Variants in PITPNM3 observed in about 807,000 individuals in gnomAD.
PITPNM3 encodes the protein PITPNM family member 3.
Under a neutral mutation model 102.0 loss-of-function variants are expected in PITPNM3, and 26 were observed. The ratio of observed to expected loss-of-function variants is 0.25; its 90% confidence interval spans 0.19 to 0.35. PITPNM3 has a LOEUF of 0.35. Ranked by LOEUF, PITPNM3 falls within the 10% of genes least tolerant of loss-of-function variation. PITPNM3 has a pLI of 1.00. For synonymous variants in PITPNM3, 578 were observed against 558.6 expected (o/e 1.03, Z -0.49); for missense variants, 1,083 against 1,346.1 (o/e 0.80, Z 3.06).
intron 3 of PITPNM3, among the ~76,000 whole-genome samples, chr17:6,512,751 G>A (rs1425270223): frequency 1.3e-5 from 2 of 152,144 alleles, no homozygotes; most frequent in African/African-American, 2.4e-5. Flanking sequence ...ATTAATCAGG[G>A]ATACCCAGGC....
At chr17:6,500,975 C>T (rs1907134209) in intron 4 of PITPNM3, among the ~76,000 whole-genome samples, 1 of 152,116 alleles carries the variant, frequency 6.6e-6, no homozygotes, top group Non-Finnish European at 1.5e-5. Flanking sequence ...CACGCCCAGC[C>T]CAATAAGAAC....
intron 1 of PITPNM3, among the ~76,000 whole-genome samples, chr17:6,554,210 C>T (rs987669033): frequency 6.7e-6 from 1 of 149,568 alleles, no homozygotes; most frequent in African/African-American, 2.5e-5. Context: ...GTCCCAGTTA[C>T]TTGGGAGGCT....
At chr17:6,524,723 C>T (rs1304092360) in intron 3 of PITPNM3, among the ~76,000 whole-genome samples, 2 of 152,160 alleles carry the variant, frequency 1.3e-5, no homozygotes, top group African/African-American at 4.8e-5. Flanking sequence ...AGATGAATCA[C>T]CTTTGGTTGC....
At chr17:6,535,812 CT>C (rs1909384107) in intron 2 of PITPNM3, among the ~76,000 whole-genome samples, 1 of 151,710 alleles carries the variant, frequency 6.6e-6, no homozygotes, top group Non-Finnish European at 1.5e-5. Context: ...AATCCCAGCA[CT>C]TTGGGAGGCC....
At chr17:6,533,443 T>C (rs543143372) in intron 2 of PITPNM3, among the ~76,000 whole-genome samples, 5 of 152,114 alleles carry the variant, frequency 3.3e-5, no homozygotes, top group Admixed American at 3.3e-4. Context: ...TTATTTTGTT[T>C]ATGGTGTTTT....
chr17:6,551,484 C>A (rs1219525000), intron 1 of PITPNM3, among the ~76,000 whole-genome samples: 1 of 152,168 alleles, frequency 6.6e-6, no homozygotes, highest in Non-Finnish European at 1.5e-5. Flanking sequence ...GATGCAATGC[C>A]CGTCCCAAGA....
chr17:6,475,425 A>G (rs1597370808), intron 9 of PITPNM3, among the ~76,000 whole-genome samples: 1 of 152,300 alleles, frequency 6.6e-6, no homozygotes, highest in South Asian at 2.1e-4. Flanking sequence ...GAATCGATTA[A>G]CTGAATGCAA....
chr17:6,517,926 A>G lies in PITPNM3; in HGVS notation c.226+7430T>C, dbSNP rs1908278870. ...CTAGAACTACAAAAAAAGGAGGTAT[A>G]TAAGAAATTTGATGGTGTCAATAAA... On this transcript the variant is annotated intron_variant, in intron 3 of 19. Transcript: ENST00000262483. The surrounding 1 kb of genome is among the most constrained non-coding windows in gnomAD (Gnocchi z 4.1). Among the ~76,000 whole-genome samples the G allele has an allele frequency of 6.6e-6, 1 of 152,254 alleles. No individual in the cohort carries two copies. The highest frequency in any genetic ancestry group is 1.5e-5 in the Non-Finnish European group (1 of 68,044).
At chr17:6,507,532 C>T (rs1042168320) in intron 3 of PITPNM3, among the ~76,000 whole-genome samples, 3 of 151,894 alleles carry the variant, frequency 2.0e-5, no homozygotes, top group African/African-American at 4.8e-5. Context: ...AGCAGTGAGC[C>T]GAGATAGTGC....
chr17:6,541,286 A>AGTGTGTGTGTGTGTGTGTGTGTGTGTGT (rs113549938), intron 1 of PITPNM3, among the ~76,000 whole-genome samples: 50 of 145,708 alleles, frequency 3.4e-4, no homozygotes, highest in Non-Finnish European at 5.8e-4. Context: ...ATATGCTAAG[A>AGTGTGTGTGTGTGTGTGTGTGTGTGTGT]GTGTGTGTGT....
chr17:6,549,797 C>T (rs563388411), intron 1 of PITPNM3, among the ~76,000 whole-genome samples: 5 of 152,318 alleles, frequency 3.3e-5, no homozygotes, highest in East Asian at 3.9e-4. Context: ...TCTCCTCCCC[C>T]CTCCCACACC....
intron 19 of PITPNM3, among the ~76,000 whole-genome samples, chr17:6,455,989 A>G (rs1597357225): frequency 6.6e-6 from 1 of 151,732 alleles, no homozygotes; most frequent in African/African-American, 2.4e-5. Context: ...GTCACACCAG[A>G]GTTCTCTGGA....
chr17:6,521,303 T>C (rs1484116216), intron 3 of PITPNM3: 1 of 152,204 alleles, frequency 6.6e-6, no homozygotes, highest in African/African-American at 2.4e-5. Flanking sequence ...TCCCAGCTAC[T>C]TGGGAGGCTG....
At chr17:6,505,195 A>AAAAT (rs1907420096) in intron 3 of PITPNM3, among the ~76,000 whole-genome samples, 2 of 136,310 alleles carry the variant, frequency 1.5e-5, no homozygotes, top group South Asian at 2.4e-4. Context: ...AGACAAATAA[A>AAAAT]ATATATATAT....
intron 4 of PITPNM3, among the ~76,000 whole-genome samples, chr17:6,497,199 G>T (rs1337482811): frequency 6.6e-6 from 1 of 152,172 alleles, no homozygotes; most frequent in Non-Finnish European, 1.5e-5. Context: ...TGGGCAAGGG[G>T]CTTCACGCAT....
rs747298506 is a variant in PITPNM3 at position 6,478,498 on chromosome 17, CGG to C, written c.777+47_777+48del. On this transcript the variant is annotated intron_variant, in intron 7 of 19. Coordinates refer to ENST00000262483, the MANE Select transcript of PITPNM3 (RefSeq NM_031220.4). The surrounding 1 kb of genome is among the most constrained non-coding windows in gnomAD (Gnocchi z 4.4). The stretch of plus-strand genomic sequence containing the variant: ...GTAGATTCCAGCCTCTCTCCCAGGC[CGG>C]GGCCGGAACAGGGGAGGGGAGAGGA... The C allele has an allele frequency of 6.2e-7, 1 of 1,602,580 alleles. No homozygotes were observed. Among genetic ancestry groups the C allele is most frequent in the South Asian group, 1.1e-5 (1 of 90,526 alleles).
rs145971070 is a variant in PITPNM3, at chr17:6,538,249, T to A, written c.23-167A>T. 1.9e-3 allele frequency among the ~76,000 whole-genome samples: 285 copies of A among 152,274 alleles called. 4 individuals carry two copies. In the South Asian group the frequency reaches 0.023, roughly 13 times the overall value. ...GAGCCCTCCCTCTCCTGTGCTGTCA[T>A]TGAAGCTCAAAAACCTCTCTGAGTA... On this transcript the variant is annotated intron_variant, in intron 1 of 19. Coordinates refer to ENST00000262483, the MANE Select transcript of PITPNM3 (RefSeq NM_031220.4).
intron 1 of PITPNM3, among the ~76,000 whole-genome samples, chr17:6,555,840 TGGGGGAG>T: frequency 1.3e-5 from 2 of 152,048 alleles, no homozygotes; most frequent in Admixed American, 1.3e-4. Flanking sequence ...CCAGGGTCGA[TGGGGGAG>T]GGGGCGGGGC....
intron 1 of PITPNM3, among the ~76,000 whole-genome samples, chr17:6,548,284 G>A (rs1325898027): frequency 6.6e-6 from 1 of 152,184 alleles, no homozygotes; most frequent in Non-Finnish European, 1.5e-5. Flanking sequence ...AAAGCACAGT[G>A]CCAGGAATTG....
Sources: gnomAD v4.1 joint callset for allele counts (sites outside exome capture counted in the v4.1 genomes callset) on GRCh38, gnomAD v4.1.1 for gene constraint, Gnocchi (gnomAD v3.1) non-coding constraint, MANE v1.5 for transcripts, NCBI Gene and HGNC (gene_info 2026-07-23, HGNC 2026-07-21) for gene names.